The following ADAMTS6 variants were observed in gnomAD, a reference collection of about 807,000 sequenced individuals.
ADAMTS6 encodes ADAM metallopeptidase with thrombospondin type 1 motif 6.
Under a neutral mutation model 144.3 loss-of-function variants are expected in ADAMTS6, and 23 were observed. The ratio of observed to expected loss-of-function variants is 0.16; its 90% CI spans 0.11 to 0.23. The LOEUF (loss-of-function observed/expected upper bound fraction) is 0.23, where lower values mean the gene tolerates loss of function less well. Among genes scored for constraint, ADAMTS6 ranks in the 10% least tolerant of loss-of-function variants. The pLI is 1.00. For synonymous variants in ADAMTS6, 444 were observed against 457.5 expected (o/e 0.97, Z 0.38); for missense variants, 999 against 1,379.6 (o/e 0.72, Z 4.37).
At chr5:65,206,141 C>A (rs1476744279) in intron 20 of ADAMTS6, among the ~76,000 whole-genome samples, 1 of 152,038 alleles carries the variant, frequency 6.6e-6, no homozygotes, top group African/African-American at 2.4e-5. Context: ...CAAACTTTTT[C>A]AGTTCACAGT....
chr5:65,350,363 G>T (rs1414895135), intron 7 of ADAMTS6, among the ~76,000 whole-genome samples: 2 of 151,982 alleles, frequency 1.3e-5, no homozygotes, highest in South Asian at 4.2e-4. Context: ...AATAATCCCT[G>T]CTACTTTAAT....
intron 9 of ADAMTS6, among the ~76,000 whole-genome samples, chr5:65,305,614 A>C (rs1393859466): frequency 6.6e-6 from 1 of 152,166 alleles, no homozygotes; most frequent in Non-Finnish European, 1.5e-5. Context: ...GGCCCACCCC[A>C]ATGGATGAAC....
At chr5:65,174,455 G>A (rs1469741735) in intron 22 of ADAMTS6, among the ~76,000 whole-genome samples, 1 of 152,212 alleles carries the variant, frequency 6.6e-6, no homozygotes, top group Non-Finnish European at 1.5e-5. Context: ...CAATTGGCCT[G>A]GTGGAACGCC....
chr5:65,327,110 T>C (rs1746245441), intron 9 of ADAMTS6, among the ~76,000 whole-genome samples: 1 of 152,122 alleles, frequency 6.6e-6, no homozygotes, highest in African/African-American at 2.4e-5. Context: ...TGAGTTCACA[T>C]GAGAGCTGGT....
At chr5:65,229,961 A>G (rs1758020676) in intron 15 of ADAMTS6, among the ~76,000 whole-genome samples, 1 of 152,030 alleles carries the variant, frequency 6.6e-6, no homozygotes. Flanking sequence ...CACACATTAT[A>G]ATTAAACTGT....
At chr5:65,253,838 T>C (rs1020090516) in intron 14 of ADAMTS6, among the ~76,000 whole-genome samples, 5 of 76,338 alleles carry the variant, frequency 6.5e-5, no homozygotes, top group Non-Finnish European at 7.9e-5. Context: ...TTTTTTTTTT[T>C]TTTTTTTGAG....
chr5:65,408,739 A>G (rs1754792767), intron 7 of ADAMTS6, among the ~76,000 whole-genome samples: 1 of 152,212 alleles, frequency 6.6e-6, no homozygotes, highest in Non-Finnish European at 1.5e-5. Flanking sequence ...AATTGACCAC[A>G]TAGTTGGAAG....
intron 7 of ADAMTS6, among the ~76,000 whole-genome samples, chr5:65,373,797 C>T (rs1010849947): frequency 6.6e-6 from 1 of 152,014 alleles, no homozygotes; most frequent in East Asian, 1.9e-4. Flanking sequence ...CGGGCAGAGA[C>T]ACAACCAAAA....
rs186479943 is a variant in ADAMTS6 at position 65,452,282 on chromosome 5, T to C, written c.844-66A>G. ...AAATTATAGGGTGATAGTTTGGTTT[T>C]TTAAGTGCTAAAACAATTTTTTATA... On this transcript the variant is annotated intron_variant, in intron 5 of 24. Transcript: ENST00000381055. 42 of 1,407,780 alleles carry C rather than the reference T, an allele frequency of 3.0e-5. No individual in the cohort carries two copies. The Admixed American group carries it at 7.2e-4, about 24-fold the overall frequency. The allele number at this position is 1,407,780 out of a possible 1,614,324, so 87.2% of individuals were successfully genotyped here.
At chr5:65,338,887 T>A (rs533328346) in intron 7 of ADAMTS6, among the ~76,000 whole-genome samples, 1 of 151,364 alleles carries the variant, frequency 6.6e-6, no homozygotes, top group Admixed American at 6.6e-5. Flanking sequence ...CAGCTGAACA[T>A]CCTTATGCCT....
At chr5:65,312,807 C>T (rs1054810828) in intron 9 of ADAMTS6, among the ~76,000 whole-genome samples, 10 of 151,896 alleles carry the variant, frequency 6.6e-5, no homozygotes, top group East Asian at 3.9e-4. Context: ...TGCCAGGTAC[C>T]GGAGGAAGCT....
intron 7 of ADAMTS6, among the ~76,000 whole-genome samples, chr5:65,399,340 A>G (rs1015979965): frequency 1.3e-5 from 2 of 152,182 alleles, no homozygotes; most frequent in South Asian, 2.1e-4. Flanking sequence ...CTGTCTTCCA[A>G]TTGGTGCATT....
chr5:65,372,621 C>T (rs766900321), intron 7 of ADAMTS6, among the ~76,000 whole-genome samples: 46 of 151,730 alleles, frequency 3.0e-4, no homozygotes, highest in Non-Finnish European at 6.4e-4. Context: ...TCCTGAGTGA[C>T]CTACAAAGAG....
chr5:65,254,081 G>T (rs1760447489), intron 14 of ADAMTS6, among the ~76,000 whole-genome samples: 1 of 151,980 alleles, frequency 6.6e-6, no homozygotes, highest in African/African-American at 2.4e-5. Flanking sequence ...CTGACCTCAA[G>T]TGATCTGCTC....
intron 7 of ADAMTS6, among the ~76,000 whole-genome samples, chr5:65,447,037 T>C (rs1207772100): frequency 6.6e-6 from 1 of 152,170 alleles, no homozygotes; most frequent in Non-Finnish European, 1.5e-5. Flanking sequence ...AACTGTTACG[T>C]ATTATTATCT....
intron 7 of ADAMTS6, among the ~76,000 whole-genome samples, chr5:65,398,395 A>G (rs1358493850): frequency 1.3e-5 from 2 of 152,180 alleles, no homozygotes; most frequent in Non-Finnish European, 2.9e-5. Flanking sequence ...TTTATCCTTG[A>G]TAACTTTCCT....
intron 12 of ADAMTS6, among the ~76,000 whole-genome samples, chr5:65,263,387 A>C (rs186187381): frequency 6.6e-6 from 1 of 150,906 alleles, no homozygotes; most frequent in East Asian, 2.0e-4. Context: ...CCAGTAAGGA[A>C]TTTTTATGAT....
At chr5:65,371,060 T>G (rs557521308) in intron 7 of ADAMTS6, among the ~76,000 whole-genome samples, 119 of 152,132 alleles carry the variant, frequency 7.8e-4, no homozygotes, top group Middle Eastern at 3.4e-3. Context: ...TGCAGCTGAG[T>G]GTCCTGTCTG....
chr5:65,294,291 C>T (rs752095760), intron 10 of ADAMTS6, among the ~76,000 whole-genome samples: 1 of 152,192 alleles, frequency 6.6e-6, no homozygotes, highest in Non-Finnish European at 1.5e-5. Flanking sequence ...ATGATCACAG[C>T]TAACCGCAGC....
Sources: gnomAD v4.1 joint callset for allele counts (sites outside exome capture counted in the v4.1 genomes callset) on GRCh38, gnomAD v4.1.1 for gene constraint, MANE v1.5 for transcripts, NCBI Gene and HGNC (gene_info 2026-07-23, HGNC 2026-07-21) for gene names.